The following HIPK3 variants were observed in gnomAD, a reference collection of about 807,000 sequenced individuals.
HIPK3 encodes the protein homeodomain interacting protein kinase 3, also known as homeodomain-interacting protein kinase 3.
HIPK3 carries 47 observed loss-of-function variants against 124.2 expected under a neutral mutation model. That is an observed-to-expected ratio of 0.38 (90% confidence interval 0.30 to 0.48). The LOEUF is 0.48. Ranked by LOEUF, HIPK3 falls within the 20% of genes least tolerant of loss-of-function variation. HIPK3 has a pLI of 0.98. For missense variants in HIPK3, 1,286 were observed against 1,454.3 expected (o/e 0.88, Z 1.88); for synonymous variants, 482 against 515.2 (o/e 0.94, Z 0.87).
chr11:33,345,841 A>C (rs775141167), intron 8 of HIPK3, among the ~76,000 whole-genome samples: 5 of 152,158 alleles, frequency 3.3e-5, no homozygotes, highest in Non-Finnish European at 7.4e-5. Context: ...GAAGAAAATA[A>C]ACAGGCTGAA....
chr11:33,351,769 C>G lies in HIPK3; in HGVS notation c.2969C>G (p.Ala990Gly), dbSNP rs201934152. ...TCTGCTGACACAGAAACCAAGCCAG[C>G]TGTCTGTTCTGTTGTGGTGCCACCA... ...VSSADTETKPAVCSVVVPPVE... is the reference protein window; with the variant it reads ...VSSADTETKPGVCSVVVPPVE... The change falls in exon 15 of 17, where the codon GCT becomes GGT. Residue 990 changes from alanine to glycine, a missense_variant. By Grantham distance (60) the Ala-to-Gly change is moderately conservative. This residue lies in a region of HIPK3 where 810 missense variants were observed against 864.9 expected (regional missense o/e 0.94). Transcript: ENST00000303296. 1.2e-5 allele frequency: 19 copies of G among 1,614,220 alleles called. No individual in the cohort carries two copies. The highest frequency in any genetic ancestry group is 1.6e-5 in the Non-Finnish European group (19 of 1,180,032).
chr11:33,270,185 G>A (rs548756750), intron 1 of HIPK3, among the ~76,000 whole-genome samples: 5 of 152,056 alleles, frequency 3.3e-5, no homozygotes, highest in African/African-American at 1.2e-4. Flanking sequence ...CACCATGTTA[G>A]CCAGGCCGGT....
At chr11:33,324,224 T>G (rs1253973856) in intron 2 of HIPK3, among the ~76,000 whole-genome samples, 1 of 152,234 alleles carries the variant, frequency 6.6e-6, no homozygotes, top group East Asian at 1.9e-4. Context: ...GGATGTATTC[T>G]TTCAATGCAT....
intron 2 of HIPK3, among the ~76,000 whole-genome samples, chr11:33,292,836 C>T (rs753593660): frequency 6.6e-6 from 1 of 152,118 alleles, no homozygotes; most frequent in Non-Finnish European, 1.5e-5. Context: ...CCCGGGTTCA[C>T]GCCATTCTCC....
chr11:33,260,990 T>TC (rs34683868), intron 1 of HIPK3, among the ~76,000 whole-genome samples: 100,032 of 150,314 alleles, frequency 0.67, 33,588 homozygotes, highest in Non-Finnish European at 0.72. Context: ...AAGGTATTAT[T>TC]CCCCCCCAAC....
At chr11:33,328,957 C>T (rs1255293442) in intron 3 of HIPK3, among the ~76,000 whole-genome samples, 2 of 152,166 alleles carry the variant, frequency 1.3e-5, no homozygotes, top group Middle Eastern at 3.4e-3. Context: ...ATGTGTGAAA[C>T]GTCAGCCCCT....
At position 33,257,382 on chromosome 11, in the gene HIPK3, G is replaced by T; in HGVS notation, c.-510G>T. ...GAGGGGCCCGAGGCTGGGGCGGCTG[G>T]TGGCAGCTGCCTCAGTGACGACTGC... On this transcript the variant is annotated 5_prime_UTR_variant, in exon 1 of 17. Coordinates refer to ENST00000303296, the MANE Select transcript of HIPK3 (RefSeq NM_005734.5). 1.0e-6 allele frequency: 1 copy of T among 985,076 alleles called. No individual in the cohort carries two copies. Among genetic ancestry groups the T allele is most frequent in the Non-Finnish European group, 1.2e-6 (1 of 829,780 alleles). 61.0% of individuals were successfully genotyped at this position (985,076 alleles called of 1,614,324 possible).
chr11:33,278,799 G>A (rs548933146), intron 1 of HIPK3, among the ~76,000 whole-genome samples: 41 of 151,908 alleles, frequency 2.7e-4, no homozygotes, highest in African/African-American at 9.4e-4. Context: ...AGCAGAGATC[G>A]TGCCACTGCA....
At chr11:33,313,852 T>G (rs1194975178) in intron 2 of HIPK3, among the ~76,000 whole-genome samples, 1 of 152,164 alleles carries the variant, frequency 6.6e-6, no homozygotes, top group Non-Finnish European at 1.5e-5. Context: ...TTTTATTTAT[T>G]TATTTTTTTA....
At chr11:33,267,618 C>CCCAGCTA (rs569512992) in intron 1 of HIPK3, among the ~76,000 whole-genome samples, 1,557 of 152,050 alleles carry the variant, frequency 0.01, 8 homozygotes, top group Non-Finnish European at 0.015. Context: ...GCCTTGGCCT[C>CCCAGCTA]CTGAGTAGCT....
chr11:33,294,413 C>T (rs1347725532), intron 2 of HIPK3, among the ~76,000 whole-genome samples: 1 of 152,134 alleles, frequency 6.6e-6, no homozygotes, highest in Non-Finnish European at 1.5e-5. Context: ...CACACCCACA[C>T]ACCCACCCTC....
intron 1 of HIPK3, among the ~76,000 whole-genome samples, chr11:33,279,523 G>T (rs1448874160): frequency 6.6e-6 from 1 of 152,040 alleles, no homozygotes; most frequent in Non-Finnish European, 1.5e-5. Flanking sequence ...GATGGAAACA[G>T]CCCACTATGG....
At chr11:33,346,625 C>T (rs910921817) in intron 8 of HIPK3, among the ~76,000 whole-genome samples, 1 of 152,178 alleles carries the variant, frequency 6.6e-6, no homozygotes, top group Non-Finnish European at 1.5e-5. Flanking sequence ...TGTCAGCATA[C>T]TAAGCCAGAT....
Position 33,337,202 on chromosome 11 carries a change from A to G in HIPK3, c.1341+8A>G. The stretch of plus-strand genomic sequence containing the variant: ...TCTGGTTGGAGATTAAAGGTAATTC[A>G]TTAAAAAATAGAATATTTAGAAGAC... On this transcript the variant is annotated splice_region_variant and intron_variant, in intron 4 of 16. Transcript: ENST00000303296. The G allele has an allele frequency of 6.7e-7, 1 of 1,496,716 alleles. No homozygotes were observed. Among genetic ancestry groups the G allele is most frequent in the Non-Finnish European group, 9.2e-7 (1 of 1,090,284 alleles). The allele number at this position is 1,496,716 out of a possible 1,614,324, so 92.7% of individuals were successfully genotyped here. A position where few individuals can be genotyped will look rare whatever the true frequency, so the allele number is the denominator to read the frequency against.
chr11:33,257,605 G>A lies in HIPK3; in HGVS notation c.-287G>A. 1 of 987,474 alleles carries A rather than the reference G, an allele frequency of 1.0e-6. No individual in the cohort carries two copies. Among genetic ancestry groups the A allele is most frequent in the Non-Finnish European group, 1.2e-6 (1 of 831,166 alleles). The allele number at this position is 987,474 out of a possible 1,614,324, so 61.2% of individuals were successfully genotyped here. A position where few individuals can be genotyped will look rare whatever the true frequency, so the allele number is the denominator to read the frequency against. On this transcript the variant is annotated 5_prime_UTR_variant, in exon 1 of 17. Transcript: ENST00000303296. ...CACTACCCCTCGCCCTAGCCAAGCC[G>A]TCCCCACCCCAAATCCCCGGGAAGG...
chr11:33,257,541 C>A lies in HIPK3; in HGVS notation c.-351C>A. ...TCGCCGTGGGCCCCGCACCCTGCGT[C>A]GCCCGTAGGCCCCAGTAGCCGGAGG... On this transcript the variant is annotated 5_prime_UTR_variant, in exon 1 of 17. Transcript: ENST00000303296. The A allele has an allele frequency of 1.0e-6, 1 of 985,566 alleles. No individual in the cohort carries two copies. Among genetic ancestry groups the A allele is most frequent in the Non-Finnish European group, 1.2e-6 (1 of 830,044 alleles). The allele number at this position is 985,566 out of a possible 1,614,324, so 61.1% of individuals were successfully genotyped here.
rs1350752537 is a variant in HIPK3 at position 33,259,145 on chromosome 11, A to C, written c.-3+1256A>C. ...TGTAGCTTCTGAAGTGGGAGTACTT[A>C]TATTCATTCAAACCATCTCAGTTAA... On this transcript the variant is annotated intron_variant, in intron 1 of 16. Coordinates refer to ENST00000303296, the MANE Select transcript of HIPK3 (RefSeq NM_005734.5). Among the ~76,000 whole-genome samples the C allele has an allele frequency of 3.9e-5, 6 of 152,280 alleles. No individual in the cohort carries two copies. The East Asian group carries it at 1.2e-3, about 29-fold the overall frequency.
chr11:33,303,801 A>G (rs1178134828), intron 2 of HIPK3, among the ~76,000 whole-genome samples: 3 of 152,226 alleles, frequency 2.0e-5, no homozygotes, highest in African/African-American at 7.2e-5. Flanking sequence ...ATTACTTAGG[A>G]CAGAGAATCT....
At chr11:33,266,181 A>C (rs1850958871) in intron 1 of HIPK3, among the ~76,000 whole-genome samples, 1 of 151,858 alleles carries the variant, frequency 6.6e-6, no homozygotes, top group African/African-American at 2.4e-5. Context: ...TTGAGCAAGT[A>C]TATGATAAGT....
Sources: gnomAD v4.1 joint callset for allele counts (sites outside exome capture counted in the v4.1 genomes callset) on GRCh38, gnomAD v4.1.1 for gene constraint, gnomAD v4.1.1 regional missense constraint, MANE v1.5 for transcripts, NCBI Gene and HGNC (gene_info 2026-07-23, HGNC 2026-07-21) for gene names.